Variants in DLGAP1 observed in about 807,000 individuals in gnomAD.
The protein encoded by DLGAP1 is disks large-associated protein 1.
A neutral mutation model predicts 90.8 loss-of-function variants in DLGAP1; 11 were observed. The ratio of observed to expected loss-of-function variants is 0.12; its 90% CI spans 0.08 to 0.20. The LOEUF is 0.20. DLGAP1 is among the 10% of genes least tolerant of loss of function. The pLI is 1.00. For missense variants in DLGAP1, 1,050 were observed against 1,333.8 expected (o/e 0.79, Z 3.31); for synonymous variants, 558 against 540.7 (o/e 1.03, Z -0.44).
chr18:3,787,032 T>C (rs2065482668), intron 5 of DLGAP1, among the ~76,000 whole-genome samples: 1 of 152,106 alleles, frequency 6.6e-6, no homozygotes, highest in East Asian at 1.9e-4. Flanking sequence ...ATGGGAGAAT[T>C]AGCAGTGGTT....
intron 2 of DLGAP1, among the ~76,000 whole-genome samples, chr18:4,010,944 G>A (rs1044072260): frequency 1.4e-4 from 22 of 151,938 alleles, no homozygotes; most frequent in African/African-American, 5.3e-4. Flanking sequence ...GGGAGGCCGA[G>A]GCGAGTAGAT....
chr18:3,942,263 G>A (rs1183165262), intron 3 of DLGAP1, among the ~76,000 whole-genome samples: 1 of 152,198 alleles, frequency 6.6e-6, no homozygotes, highest in African/African-American at 2.4e-5. Flanking sequence ...ACAGCCCTCT[G>A]AGTGTTGCTA....
chr18:4,357,495 C>T (rs1338538751), intron 1 of DLGAP1, among the ~76,000 whole-genome samples: 1 of 152,172 alleles, frequency 6.6e-6, no homozygotes, highest in East Asian at 1.9e-4. Flanking sequence ...TTTTTCACTT[C>T]TGTATTCTCA....
rs879491781 is a variant in DLGAP1 at position 3,924,960 on chromosome 18, A to AT, written c.-72-44821dup. Among the ~76,000 whole-genome samples, 35 of 150,506 alleles carry AT rather than the reference A, an allele frequency of 2.3e-4. 1 individual carries two copies. Among genetic ancestry groups the AT allele is most frequent in the African/African-American group, 7.1e-4 (29 of 41,048 alleles). ...CTTTATAAAAGTCAGTTTTTGTTGC[A>AT]TTTTTTTTTGGAGACAGAGTCTTGC... is the stretch of plus-strand genomic sequence containing the variant. On this transcript the variant is annotated intron_variant, in intron 3 of 12. Transcript: ENST00000315677.
intron 1 of DLGAP1, among the ~76,000 whole-genome samples, chr18:4,171,140 T>C (rs1182745861): frequency 6.6e-6 from 1 of 152,204 alleles, no homozygotes; most frequent in African/African-American, 2.4e-5. Context: ...TGTCCATATA[T>C]ATCACTAGTC....
At chr18:3,916,924 T>G (rs1243507728) in intron 3 of DLGAP1, among the ~76,000 whole-genome samples, 4 of 152,204 alleles carry the variant, frequency 2.6e-5, no homozygotes, top group Admixed American at 1.3e-4. Flanking sequence ...GGTGTAGGAT[T>G]TTTTTGACTT....
At chr18:3,666,829 T>G (rs777969450) in intron 7 of DLGAP1, among the ~76,000 whole-genome samples, 22 of 152,094 alleles carry the variant, frequency 1.4e-4, no homozygotes, top group Non-Finnish European at 3.1e-4. Context: ...CAATCATAGC[T>G]CACTGCAATC....
chr18:4,212,544 T>C (rs925108379), intron 1 of DLGAP1, among the ~76,000 whole-genome samples: 5 of 145,664 alleles, frequency 3.4e-5, no homozygotes, highest in African/African-American at 1.3e-4. Context: ...TGGTGGTGCG[T>C]GCCTGTAATC....
chr18:3,911,388 CAA>C (rs2072030786), intron 3 of DLGAP1, among the ~76,000 whole-genome samples: 1 of 152,132 alleles, frequency 6.6e-6, no homozygotes, highest in Non-Finnish European at 1.5e-5. Flanking sequence ...GCAAATAAAT[CAA>C]GATTGGATCT....
chr18:3,837,081 A>T (rs1005371968), intron 4 of DLGAP1, among the ~76,000 whole-genome samples: 5 of 152,240 alleles, frequency 3.3e-5, no homozygotes, highest in African/African-American at 1.2e-4. Context: ...AAGTTTGTTA[A>T]GAAAATGGCA....
intron 1 of DLGAP1, among the ~76,000 whole-genome samples, chr18:4,211,865 C>A (rs1339118620): frequency 6.6e-6 from 1 of 152,162 alleles, no homozygotes; most frequent in Non-Finnish European, 1.5e-5. Context: ...ATTTTAGCTT[C>A]ATTCTTCACC....
intron 2 of DLGAP1, among the ~76,000 whole-genome samples, chr18:4,144,120 G>A (rs936019108): frequency 1.3e-5 from 2 of 152,150 alleles, no homozygotes; most frequent in Admixed American, 1.3e-4. Flanking sequence ...GCTGGTGTCC[G>A]ACTAGATCGT....
At chr18:3,778,560 C>T (rs552122170) in intron 5 of DLGAP1, among the ~76,000 whole-genome samples, 1 of 152,178 alleles carries the variant, frequency 6.6e-6, no homozygotes, top group Non-Finnish European at 1.5e-5. Context: ...GCTGTATAGG[C>T]AGGTTTTTCA....
At chr18:3,701,179 CTGA>C (rs1352399475) in intron 7 of DLGAP1, among the ~76,000 whole-genome samples, 3 of 152,282 alleles carry the variant, frequency 2.0e-5, no homozygotes, top group Non-Finnish European at 2.9e-5. Context: ...AGCACCTGGC[CTGA>C]TGATGGCTTT....
At chr18:4,363,866 G>A (rs2081690966) in intron 1 of DLGAP1, among the ~76,000 whole-genome samples, 1 of 152,074 alleles carries the variant, frequency 6.6e-6, no homozygotes, top group Admixed American at 6.5e-5. Flanking sequence ...CAGGGATCTA[G>A]AACTAGAAAT....
rs375053251 is a variant in DLGAP1 at position 4,294,137 on chromosome 18, T to C, written c.-266-142850A>G. ...GTATGATTCAACACCTTTTATCAGC[T>C]GCTTCTAAACAACTTTCACCACCAT... On this transcript the variant is annotated intron_variant, in intron 1 of 12. Transcript: ENST00000315677. 4 of 152,316 alleles carry C rather than the reference T, an allele frequency of 2.6e-5. No homozygotes were observed. The East Asian group carries it at 5.8e-4, about 22-fold the overall frequency. 9.4% of individuals were successfully genotyped at this position (152,316 alleles called of 1,614,324 possible). A position where few individuals can be genotyped will look rare whatever the true frequency, so the allele number is the denominator to read the frequency against.
At chr18:4,438,243 A>C (rs1299532144) in intron 1 of DLGAP1, among the ~76,000 whole-genome samples, 1 of 152,084 alleles carries the variant, frequency 6.6e-6, no homozygotes, top group African/African-American at 2.4e-5. Context: ...GCGAATAAGG[A>C]ATCAACAAAT....
chr18:4,290,173 G>A (rs1054050290), intron 1 of DLGAP1, among the ~76,000 whole-genome samples: 1 of 152,156 alleles, frequency 6.6e-6, no homozygotes, highest in African/African-American at 2.4e-5. Flanking sequence ...AGATGAATGT[G>A]ACCATTTCAC....
chr18:4,115,601 T>TCA (rs1413385451), intron 2 of DLGAP1, among the ~76,000 whole-genome samples: 1 of 152,100 alleles, frequency 6.6e-6, no homozygotes, highest in Non-Finnish European at 1.5e-5. Flanking sequence ...TCCTCCTGCC[T>TCA]CAGCCTCCGG....
Sources: allele counts gnomAD v4.1 joint callset (sites outside exome capture counted in the v4.1 genomes callset), GRCh38; gene constraint gnomAD v4.1.1; transcripts MANE v1.5; gene names NCBI Gene and HGNC (gene_info 2026-07-23, HGNC 2026-07-21).